The following TTYH3 variants were observed in gnomAD, a reference collection of about 807,000 sequenced individuals.
The protein encoded by TTYH3 is tweety family member 3.
Under a neutral mutation model 68.2 loss-of-function variants are expected in TTYH3, and 23 were observed. The observed-to-expected ratio is 0.34, with a 90% CI of 0.24 to 0.48. The LOEUF (loss-of-function observed/expected upper bound fraction) is 0.48, where lower values mean the gene tolerates loss of function less well. TTYH3 is among the 20% of genes least tolerant of loss of function. The pLI is 0.99. For missense variants in TTYH3, 768 were observed against 727.7 expected (o/e 1.06, Z -0.64); for synonymous variants, 360 against 332.8 (o/e 1.08, Z -0.89).
At chr7:2,648,791 G>T (rs1786073680) in intron 5 of TTYH3, among the ~76,000 whole-genome samples, 1 of 152,052 alleles carries the variant, frequency 6.6e-6, no homozygotes, top group Non-Finnish European at 1.5e-5. Flanking sequence ...TGCCCAAGGA[G>T]ACCTGAGCGA....
In TTYH3 at chr7:2,632,062, A is replaced by G. The variant is rs1785534097; in HGVS notation, c.-94A>G. 3 of 1,137,098 alleles carry G rather than the reference A, an allele frequency of 2.6e-6. No homozygotes were observed. The highest frequency in any genetic ancestry group is 9.1e-5 in the Admixed American group (2 of 22,056). The allele number at this position is 1,137,098 out of a possible 1,614,324, so 70.4% of individuals were successfully genotyped here. A position where few individuals can be genotyped will look rare whatever the true frequency, so the allele number is the denominator to read the frequency against. ...GAGCGCGCGGATGATGCGGGCGGCC[A>G]GGCGGGGGTCGACGGGTCCCTGAAG... On this transcript the variant is annotated 5_prime_UTR_variant, in exon 1 of 14. Coordinates refer to ENST00000258796, the MANE Select transcript of TTYH3 (RefSeq NM_025250.3).
intron 1 of TTYH3, among the ~76,000 whole-genome samples, chr7:2,637,911 A>G (rs1785723219): frequency 6.6e-6 from 1 of 152,038 alleles, no homozygotes; most frequent in Admixed American, 6.5e-5. Flanking sequence ...ATGTTGGCCG[A>G]GGGTGTGGGA....
At chr7:2,636,345 AAAGGG>A (rs1785656452) in intron 1 of TTYH3, among the ~76,000 whole-genome samples, 2 of 152,226 alleles carry the variant, frequency 1.3e-5, no homozygotes, top group Admixed American at 1.3e-4. Flanking sequence ...CATTTGGGGA[AAAGGG>A]AAGAGCGTGA....
intron 11 of TTYH3, among the ~76,000 whole-genome samples, chr7:2,656,921 G>A (rs1786352029): frequency 6.6e-6 from 1 of 152,248 alleles, no homozygotes; most frequent in South Asian, 2.1e-4. Flanking sequence ...GGTGCACGAC[G>A]CTGTGGGGGA....
At position 2,650,005 on chromosome 7, in the gene TTYH3, G is replaced by A. The variant is rs760708389; in HGVS notation, c.871+17G>A. On this transcript the variant is annotated intron_variant, in intron 7 of 13. Transcript: ENST00000258796. ...TGAGTGGGGGTGAGTCTGTGTCCAC[G>A]GCCGTGTCCCAGCGGGTTCCCCAGG... 10 of 1,613,644 alleles carry A rather than the reference G, an allele frequency of 6.2e-6. No homozygotes were observed. The highest frequency in any genetic ancestry group is 1.7e-4 in the Middle Eastern group (1 of 6,044).
chr7:2,632,275 G>T lies in TTYH3; in HGVS notation c.120G>T (p.Gln40His). Residue 40 changes from glutamine to histidine, a missense_variant, in exon 1 of 14, where the codon CAG (glutamine) becomes CAT (histidine). By Grantham distance (24) the Gln-to-His change is conservative. Transcript: ENST00000258796. ...TCCGGCCCGAGGACACCGACTACCAGCAGGTGACATGGGCCTCTCGGGGTC... is the reference window on the plus strand; with the variant it reads ...TCCGGCCCGAGGACACCGACTACCATCAGGTGACATGGGCCTCTCGGGGTC... ...SQFRPEDTDY[Q>H]QALLLLGAAA... 1 of 1,580,472 alleles carries T rather than the reference G, an allele frequency of 6.3e-7. No individual in the cohort carries two copies. The highest frequency in any genetic ancestry group is 1.1e-5 in the South Asian group (1 of 87,394).
intron 12 of TTYH3, 69 bp from the exon 13 acceptor site, chr7:2,658,871 G>GC: frequency 2.7e-6 from 4 of 1,499,048 alleles, no homozygotes; most frequent in Non-Finnish European, 2.8e-6. Flanking sequence ...CTACCCATGG[G>GC]CCCCCCGACC....
At chr7:2,660,462 G>A (rs1786464487) in intron 13 of TTYH3, 1 of 985,318 alleles carries the variant, frequency 1.0e-6, no homozygotes, top group African/African-American at 1.7e-5. Context: ...GCACGTGCCG[G>A]CGAGCACGTG....
At position 2,658,429 on chromosome 7, in the gene TTYH3, C is replaced by T; in HGVS notation, c.1394C>T (p.Thr465Ile). 1.9e-6 allele frequency: 3 copies of T among 1,612,266 alleles called. No homozygotes were observed. The highest frequency in any genetic ancestry group is 1.1e-5 in the South Asian group (1 of 91,000). Reference protein sequence around the residue: ...SETSIPAAAHTVSNAPVTEYM... With the variant: ...SETSIPAAAHIVSNAPVTEYM... Reference sequence around the variant, plus strand: ...ACCAGCATCCCGGCCGCGGCCCACACCGTCAGCAACGCCCCGGTCACTGAG... The same window carrying T: ...ACCAGCATCCCGGCCGCGGCCCACATCGTCAGCAACGCCCCGGTCACTGAG... The change falls in exon 12 of 14, where the codon ACC becomes ATC. Residue 465 changes from threonine (T) to isoleucine (I), a missense_variant. Physicochemically the swap from Thr to Ile is moderately conservative, Grantham distance 89 (BLOSUM62 -1). Coordinates refer to ENST00000258796, the MANE Select transcript of TTYH3 (RefSeq NM_025250.3).
At position 2,656,372 on chromosome 7, in the gene TTYH3, C is replaced by A. The variant is rs200787274; in HGVS notation, c.1114-26C>A. 4.4e-6 allele frequency: 7 copies of A among 1,599,562 alleles called. No individual in the cohort carries two copies. The South Asian group carries it at 6.6e-5, about 15-fold the overall frequency. Reference sequence around the variant, plus strand: ...CCCTCCACCCTCCCTGTCTCTGGATCCTGCCATCTCATCCCACGGCCTCAG... The same window carrying A: ...CCCTCCACCCTCCCTGTCTCTGGATACTGCCATCTCATCCCACGGCCTCAG... On this transcript the variant is annotated intron_variant, in intron 10 of 13. Transcript: ENST00000258796.
In TTYH3 at chr7:2,645,979, C is replaced by T; in HGVS notation, c.124-874C>T. 2.7e-6 allele frequency: 1 copy of T among 363,878 alleles called. No individual in the cohort carries two copies. Among genetic ancestry groups the T allele is most frequent in the Non-Finnish European group, 5.6e-6 (1 of 177,700 alleles). The allele number at this position is 363,878 out of a possible 1,614,324, so 22.5% of individuals were successfully genotyped here. On this transcript the variant is annotated intron_variant, in intron 1 of 13. Coordinates refer to ENST00000258796, the MANE Select transcript of TTYH3 (RefSeq NM_025250.3). This position sits in a 1 kb window ranked among gnomAD's most constrained non-coding sequence, Gnocchi z 4.8. ...GAGGACAGTAGCTGATGCCGGCAGC[C>T]CCCTCCCCAGGGCTTCGCTTCTTCG...
chr7:2,662,914 C>T lies in TTYH3; in HGVS notation c.*1175C>T, dbSNP rs1786531826. ...CAGGCAGCCCAAGGGCCTGGACACC[C>T]CTCCCCAGGCAGGTGCTGCCCCAGG... On this transcript the variant is annotated 3_prime_UTR_variant, in exon 14 of 14. Coordinates refer to ENST00000258796, the MANE Select transcript of TTYH3 (RefSeq NM_025250.3). 1 of 152,304 alleles carries T rather than the reference C, an allele frequency of 6.6e-6. No homozygotes were observed. Among genetic ancestry groups the T allele is most frequent in the South Asian group, 2.1e-4 (1 of 4,832 alleles). The allele number at this position is 152,304 out of a possible 1,614,324, so 9.4% of individuals were successfully genotyped here. A position where few individuals can be genotyped will look rare whatever the true frequency, so the allele number is the denominator to read the frequency against.
At chr7:2,649,377 T>C (rs940990) in intron 5 of TTYH3, among the ~76,000 whole-genome samples, 190 bp from the exon 6 acceptor site, 89,781 of 152,018 alleles carry the variant, frequency 0.59, 27,581 homozygotes, top group African/African-American at 0.77. Context: ...CCACCCCACC[T>C]AGGAGAGGGA....
chr7:2,660,106 C>T (rs983758004), intron 13 of TTYH3: 3 of 1,254,724 alleles, frequency 2.4e-6, no homozygotes, highest in Admixed American at 5.0e-5. Context: ...CCACCCTGCA[C>T]TCACTGCCGC....
Position 2,663,305 on chromosome 7 carries a change from C to T in TTYH3, c.*1566C>T, listed in dbSNP as rs73281129. On this transcript the variant is annotated 3_prime_UTR_variant, in exon 14 of 14. Transcript: ENST00000258796. ...GCATGGCTCTTCCTCCCAGAGCAGC[C>T]GGCAGCTACCTGGACCGGAAATGTC... 2.6e-5 allele frequency: 4 copies of T among 152,872 alleles called. No individual in the cohort carries two copies. Among genetic ancestry groups the T allele is most frequent in the Admixed American group, 1.3e-4 (2 of 15,290 alleles). The allele number at this position is 152,872 out of a possible 1,614,324, so 9.5% of individuals were successfully genotyped here.
At chr7:2,658,187 A>G in intron 11 of TTYH3, 99 bp from the exon 12 acceptor site, 1 of 1,270,294 alleles carries the variant, frequency 7.9e-7, no homozygotes, top group East Asian at 2.6e-5. Context: ...CAGAACTGGA[A>G]CCAGGAGTGT....
chr7:2,656,645 C>T lies in TTYH3; in HGVS notation c.1250+111C>T, dbSNP rs1786344034. The T allele has an allele frequency of 3.0e-6, 4 of 1,326,306 alleles. No homozygotes were observed. In the South Asian group the frequency reaches 6.2e-5, roughly 20 times the overall value. The allele number at this position is 1,326,306 out of a possible 1,614,324, so 82.2% of individuals were successfully genotyped here. ...ATGTGCCAGTCCCAGAGGTGAGGGA[C>T]AGACACCTCCTCACCTCGTGACCCT... On this transcript the variant is annotated intron_variant, in intron 11 of 13. Transcript: ENST00000258796.
intron 13 of TTYH3, 73 bp from the exon 14 acceptor site, chr7:2,661,595 C>A: frequency 6.8e-7 from 1 of 1,468,046 alleles, no homozygotes; most frequent in South Asian, 1.2e-5. Flanking sequence ...AAGTGAGGAC[C>A]ACGCGGAAGG....
chr7:2,639,291 C>T (rs1443218806), intron 1 of TTYH3, among the ~76,000 whole-genome samples: 1 of 152,196 alleles, frequency 6.6e-6, no homozygotes, highest in Non-Finnish European at 1.5e-5. Context: ...GTCCCTGCTG[C>T]CAGTGTATCT....
Sources: gnomAD v4.1 joint callset for allele counts (sites outside exome capture counted in the v4.1 genomes callset) on GRCh38, gnomAD v4.1.1 for gene constraint, Gnocchi (gnomAD v3.1) non-coding constraint, MANE v1.5 for transcripts, NCBI Gene and HGNC (gene_info 2026-07-23, HGNC 2026-07-21) for gene names.